Variants in FBXL20 observed in about 807,000 individuals in gnomAD.
The protein encoded by FBXL20 is F-box/LRR-repeat protein 20.
FBXL20 carries 11 observed loss-of-function variants against 64.0 expected under a neutral mutation model. The observed-to-expected ratio is 0.17, with a 90% CI of 0.11 to 0.28. The LOEUF is 0.28. FBXL20 is among the 10% of genes least tolerant of loss of function. FBXL20 has a pLI of 1.00. For missense variants in FBXL20, 303 were observed against 526.2 expected (o/e 0.58, Z 4.15); for synonymous variants, 184 against 189.0 (o/e 0.97, Z 0.22).
At chr17:39,319,200 G>A (rs531113725) in intron 2 of FBXL20, among the ~76,000 whole-genome samples, 1 of 151,726 alleles carries the variant, frequency 6.6e-6, no homozygotes, top group Non-Finnish European at 1.5e-5. Context: ...AGCGAGTTGA[G>A]ATCGCATCAC....
At position 39,268,847 on chromosome 17, in the gene FBXL20, C is replaced by CA; in HGVS notation, c.912_913insT (p.Asp305Ter). ...CTTACCTGAACACACTCTTCCAGGT[C>CA]CATCTTTTCAAGTTCATGGCAATTC... is the stretch of plus-strand genomic sequence containing the variant. On this transcript the variant is annotated frameshift_variant, in exon 12 of 15. Coordinates refer to ENST00000264658, the MANE Select transcript of FBXL20 (RefSeq NM_032875.3). LOFTEE classifies it high-confidence loss of function. 6.2e-7 allele frequency: 1 copy of CA among 1,613,846 alleles called. No homozygotes were observed. The highest frequency in any genetic ancestry group is 8.5e-7 in the Non-Finnish European group (1 of 1,179,852).
chr17:39,355,937 C>T (rs533049660), intron 1 of FBXL20, among the ~76,000 whole-genome samples: 1 of 149,642 alleles, frequency 6.7e-6, no homozygotes, highest in African/African-American at 2.5e-5. Flanking sequence ...AAGTTTTGGG[C>T]AGGAGGGGTG....
chr17:39,369,061 T>G (rs953306411), intron 1 of FBXL20, among the ~76,000 whole-genome samples: 1 of 152,136 alleles, frequency 6.6e-6, no homozygotes, highest in Non-Finnish European at 1.5e-5. Flanking sequence ...GTTCCCTTAT[T>G]ATCATTTTAA....
In FBXL20 at chr17:39,390,342, C is replaced by T. The variant is rs145563851; in HGVS notation, c.42+11019G>A. Among the ~76,000 whole-genome samples, 50 of 152,136 alleles carry T rather than the reference C, an allele frequency of 3.3e-4. No individual in the cohort carries two copies. In the East Asian group the frequency reaches 8.1e-3, roughly 25 times the overall value. On this transcript the variant is annotated intron_variant, in intron 1 of 14. Coordinates refer to ENST00000264658, the MANE Select transcript of FBXL20 (RefSeq NM_032875.3). ...TTGAGAGGCCGAGGCAGGTGGATCA[C>T]CTGGGGTCATGAGTTCAAGACTAGC... is the stretch of plus-strand genomic sequence containing the variant.
At chr17:39,339,206 G>A (rs2047558375) in intron 2 of FBXL20, among the ~76,000 whole-genome samples, 2 of 148,336 alleles carry the variant, frequency 1.3e-5, no homozygotes, top group Admixed American at 1.3e-4. Flanking sequence ...AGGCAACACA[G>A]TGAGACCCCA....
chr17:39,382,526 T>TA (rs1203951083), intron 1 of FBXL20, among the ~76,000 whole-genome samples: 5 of 151,588 alleles, frequency 3.3e-5, no homozygotes, highest in Admixed American at 3.3e-4. Context: ...TTATTATAGA[T>TA]ATGGCTTTTC....
intron 13 of FBXL20, 120 bp from the exon 14 acceptor site, chr17:39,264,507 A>G: frequency 9.9e-7 from 1 of 1,007,242 alleles, no homozygotes; most frequent in Non-Finnish European, 1.4e-6. Context: ...TGGAGCTGGC[A>G]CTAGATCCAC....
chr17:39,301,212 CA>C (rs1186323627), intron 3 of FBXL20, 137 bp from the exon 4 acceptor site: 1 of 679,738 alleles, frequency 1.5e-6, no homozygotes, highest in Admixed American at 2.4e-5. Flanking sequence ...CACTTACTCC[CA>C]AATGATGTGT....
At chr17:39,390,651 C>G (rs965155941) in intron 1 of FBXL20, among the ~76,000 whole-genome samples, 2 of 151,972 alleles carry the variant, frequency 1.3e-5, no homozygotes, top group Admixed American at 1.3e-4. Context: ...GGCCTGGGCC[C>G]CAGAGGTCAA....
chr17:39,381,328 A>C (rs1417716499), intron 1 of FBXL20, among the ~76,000 whole-genome samples: 1 of 149,828 alleles, frequency 6.7e-6, no homozygotes, highest in East Asian at 2.0e-4. Context: ...AAAATACAAA[A>C]AATTAGCCGG....
intron 6 of FBXL20, among the ~76,000 whole-genome samples, chr17:39,296,559 C>CAAAAAAA (rs60002793): frequency 4.8e-5 from 3 of 62,158 alleles, no homozygotes; most frequent in South Asian, 7.6e-4. Context: ...GACTCTGTCT[C>CAAAAAAA]AAAAAAAAAA....
intron 2 of FBXL20, among the ~76,000 whole-genome samples, chr17:39,330,463 A>C (rs1169312693): frequency 6.7e-6 from 1 of 150,190 alleles, no homozygotes; most frequent in East Asian, 2.0e-4. Flanking sequence ...AAACTACAAA[A>C]ATTAGCCGGA....
chr17:39,350,891 ATC>A (rs2047681564), intron 1 of FBXL20, among the ~76,000 whole-genome samples: 1 of 152,116 alleles, frequency 6.6e-6, no homozygotes, highest in Non-Finnish European at 1.5e-5. Flanking sequence ...TGGTGGGGCA[ATC>A]TCTATTTTAA....
chr17:39,294,125 G>A (rs2047064136), intron 6 of FBXL20, among the ~76,000 whole-genome samples: 1 of 151,862 alleles, frequency 6.6e-6, no homozygotes, highest in South Asian at 2.1e-4. Flanking sequence ...GTCACTGTGA[G>A]AAGGAGAAGT....
At chr17:39,300,063 C>A (rs990581870) in intron 4 of FBXL20, among the ~76,000 whole-genome samples, 2 of 152,218 alleles carry the variant, frequency 1.3e-5, no homozygotes, top group Non-Finnish European at 2.9e-5. Flanking sequence ...CACCACTGCA[C>A]TCCAGCCTGG....
At chr17:39,343,343 A>G in intron 1 of FBXL20, 102 bp from the exon 2 acceptor site, 1 of 777,992 alleles carries the variant, frequency 1.3e-6, no homozygotes. Context: ...GAGGTAAAAA[A>G]ATATAGTCGG....
intron 2 of FBXL20, among the ~76,000 whole-genome samples, chr17:39,329,336 A>C (rs1012583354): frequency 2.0e-5 from 3 of 152,230 alleles, no homozygotes; most frequent in Non-Finnish European, 2.9e-5. Flanking sequence ...CAAAACTGTC[A>C]ATGTTGTGAA....
chr17:39,383,383 G>A (rs1291245592), intron 1 of FBXL20, among the ~76,000 whole-genome samples: 1 of 151,936 alleles, frequency 6.6e-6, no homozygotes, highest in Non-Finnish European at 1.5e-5. Context: ...CATTTTGGAA[G>A]GCTGAGGTGG....
chr17:39,377,373 A>AAAG (rs752186183), intron 1 of FBXL20, among the ~76,000 whole-genome samples: 10 of 152,114 alleles, frequency 6.6e-5, no homozygotes, highest in Non-Finnish European at 1.2e-4. Context: ...CTGTCCTTAA[A>AAAG]AACTCTGATC....
Sources: allele counts gnomAD v4.1 joint callset (sites outside exome capture counted in the v4.1 genomes callset), GRCh38; gene constraint gnomAD v4.1.1; transcripts MANE v1.5; gene names NCBI Gene and HGNC (gene_info 2026-07-23, HGNC 2026-07-21).